The following POU6F2 variants were observed in gnomAD, a reference collection of about 807,000 sequenced individuals.
POU6F2 encodes the protein POU domain, class 6, transcription factor 2.
POU6F2 carries 31 observed loss-of-function variants against 71.3 expected under a neutral mutation model. That is an observed-to-expected ratio of 0.43 (90% confidence interval 0.33 to 0.59). The LOEUF (loss-of-function observed/expected upper bound fraction) is 0.59. Ranked by LOEUF, POU6F2 falls within the 20% of genes least tolerant of loss-of-function variation. The pLI is 0.04. For synonymous variants in POU6F2, 347 were observed against 355.7 expected (o/e 0.98, Z 0.27); for missense variants, 783 against 856.8 (o/e 0.91, Z 1.07).
At chr7:39,042,943 G>T (rs1790219252) in intron 1 of POU6F2, among the ~76,000 whole-genome samples, 1 of 151,898 alleles carries the variant, frequency 6.6e-6, no homozygotes, top group African/African-American at 2.4e-5. Flanking sequence ...CCTTGCCTTT[G>T]GAAGATTTGG....
intron 1 of POU6F2, among the ~76,000 whole-genome samples, chr7:39,022,401 C>T (rs1040114595): frequency 3.9e-5 from 6 of 151,996 alleles, no homozygotes; most frequent in Non-Finnish European, 8.8e-5. Flanking sequence ...GATTATCCCC[C>T]ACCCATCATT....
At chr7:39,317,611 C>G (rs189351570) in intron 4 of POU6F2, among the ~76,000 whole-genome samples, 11 of 152,074 alleles carry the variant, frequency 7.2e-5, no homozygotes, top group Non-Finnish European at 1.2e-4. Context: ...TTTTTGGAGG[C>G]CTTTCTAATT....
At chr7:38,998,833 TTTTTTTA>T (rs1383674442) in intron 1 of POU6F2, among the ~76,000 whole-genome samples, 4 of 142,672 alleles carry the variant, frequency 2.8e-5, no homozygotes, top group African/African-American at 1.1e-4. Context: ...TTTTTTTTTT[TTTTTTTA>T]TTTTCAGTAG....
At chr7:39,280,158 T>A (rs1300053859) in intron 4 of POU6F2, among the ~76,000 whole-genome samples, 1 of 152,220 alleles carries the variant, frequency 6.6e-6, no homozygotes, top group Non-Finnish European at 1.5e-5. Context: ...GGTCACACTC[T>A]GAGGTACTGA....
At chr7:39,206,228 T>C (rs1051498682) in intron 3 of POU6F2, among the ~76,000 whole-genome samples, 3 of 152,292 alleles carry the variant, frequency 2.0e-5, no homozygotes, top group Non-Finnish European at 4.4e-5. Context: ...GCAATGAAAG[T>C]CCTGAATCAA....
chr7:39,317,123 C>G (rs767464108), intron 4 of POU6F2, among the ~76,000 whole-genome samples: 1 of 152,198 alleles, frequency 6.6e-6, no homozygotes, highest in Non-Finnish European at 1.5e-5. Context: ...AATCCCACCC[C>G]CTCCGCAGTA....
intron 2 of POU6F2, among the ~76,000 whole-genome samples, chr7:39,119,604 GTTATTTAGAAA>G: frequency 6.6e-6 from 1 of 152,246 alleles, no homozygotes; most frequent in African/African-American, 2.4e-5. Flanking sequence ...TGGCAAGCCT[GTTATTTAGAAA>G]TACAGGCATG....
chr7:39,217,356 T>C (rs1016041664), intron 4 of POU6F2, among the ~76,000 whole-genome samples: 2 of 152,188 alleles, frequency 1.3e-5, no homozygotes, highest in South Asian at 4.1e-4. Flanking sequence ...GATGGAAATA[T>C]GTGCTAAACC....
At chr7:39,445,055 G>C (rs138681605) in intron 7 of POU6F2, among the ~76,000 whole-genome samples, 1 of 152,088 alleles carries the variant, frequency 6.6e-6, no homozygotes, top group African/African-American at 2.4e-5. Flanking sequence ...AGGTAATCTT[G>C]GTACTAACAG....
intron 5 of POU6F2, among the ~76,000 whole-genome samples, chr7:39,358,621 A>C (rs1171298269): frequency 6.6e-6 from 1 of 152,214 alleles, no homozygotes; most frequent in African/African-American, 2.4e-5. Context: ...GATGTTATTT[A>C]AGGCTCAAGG....
intron 6 of POU6F2, among the ~76,000 whole-genome samples, chr7:39,412,285 G>A (rs1228871669): frequency 1.3e-5 from 2 of 152,182 alleles, no homozygotes. Context: ...TGAAAAACCA[G>A]CAATTAACCC....
chr7:39,454,801 C>A (rs551352237), intron 8 of POU6F2, among the ~76,000 whole-genome samples: 10 of 145,800 alleles, frequency 6.9e-5, no homozygotes, highest in African/African-American at 2.3e-4. Flanking sequence ...GCCAATGACT[C>A]CTCCACGTCG....
rs147074786 is a variant in POU6F2 at position 39,240,813 on chromosome 7, T to C, written c.598+33193T>C. ...TAATGACTCTTGCGAGTAAAAGATA[T>C]GATATTTTCAGCCATACAGAAAATC... On this transcript the variant is annotated intron_variant, in intron 4 of 9. Transcript: ENST00000518318. Among the ~76,000 whole-genome samples the C allele has an allele frequency of 1.7e-4, 26 of 152,282 alleles. No individual in the cohort carries two copies. The South Asian group carries it at 4.1e-3, about 24-fold the overall frequency.
chr7:39,224,448 C>G (rs570412647), intron 4 of POU6F2, among the ~76,000 whole-genome samples: 1 of 151,400 alleles, frequency 6.6e-6, no homozygotes, highest in Non-Finnish European at 1.5e-5. Context: ...CAGGTTATGT[C>G]TTGGGCAGTT....
At chr7:39,255,173 A>G (rs1351682123) in intron 4 of POU6F2, among the ~76,000 whole-genome samples, 1 of 152,232 alleles carries the variant, frequency 6.6e-6, no homozygotes, top group African/African-American at 2.4e-5. Context: ...TAAACAAATG[A>G]TCACTTTAAA....
chr7:39,081,066 A>G (rs1791109438), intron 1 of POU6F2, among the ~76,000 whole-genome samples: 1 of 152,224 alleles, frequency 6.6e-6, no homozygotes, highest in Non-Finnish European at 1.5e-5. Context: ...TTTAAAAATT[A>G]TATGAAAGTA....
At chr7:39,015,514 TATAATATATCTATGTTTTATATAGA>T (rs1789461408) in intron 1 of POU6F2, among the ~76,000 whole-genome samples, 2 of 113,402 alleles carry the variant, frequency 1.8e-5, no homozygotes, top group East Asian at 2.9e-4. Flanking sequence ...TTATTATATA[TATAATATATCTATGTTTTATATAGA>T]TATATCTATG....
intron 4 of POU6F2, among the ~76,000 whole-genome samples, chr7:39,268,356 C>A (rs1185031729): frequency 6.6e-6 from 1 of 152,138 alleles, no homozygotes; most frequent in East Asian, 1.9e-4. Flanking sequence ...AGTGTCTGTA[C>A]TTGTGGGACA....
chr7:39,030,828 G>A (rs1019341912), intron 1 of POU6F2, among the ~76,000 whole-genome samples: 1 of 151,260 alleles, frequency 6.6e-6, no homozygotes, highest in African/African-American at 2.4e-5. Context: ...ATACATGAGA[G>A]CACTGTTGCT....
Sources: gnomAD v4.1 joint callset for allele counts (sites outside exome capture counted in the v4.1 genomes callset) on GRCh38, gnomAD v4.1.1 for gene constraint, MANE v1.5 for transcripts, NCBI Gene and HGNC (gene_info 2026-07-23, HGNC 2026-07-21) for gene names.